The following GABRB1 variants were observed in gnomAD, a reference collection of about 807,000 sequenced individuals.
GABRB1 encodes the protein gamma-aminobutyric acid receptor subunit beta-1.
GABRB1 carries 17 observed loss-of-function variants against 51.6 expected under a neutral mutation model. The observed-to-expected ratio is 0.33, with a 90% CI of 0.23 to 0.49. GABRB1 has a LOEUF of 0.49. GABRB1 is among the 20% of genes least tolerant of loss of function. GABRB1 has a pLI of 0.99. For missense variants in GABRB1, 410 were observed against 600.6 expected, an observed-to-expected ratio of 0.68 and a Z score of 3.32; for synonymous variants, 247 against 218.9, an observed-to-expected ratio of 1.13 and a Z score of -1.14.
At chr4:47,078,280 C>G (rs559956754) in intron 3 of GABRB1, among the ~76,000 whole-genome samples, 1 of 151,800 alleles carries the variant, frequency 6.6e-6, no homozygotes, top group Non-Finnish European at 1.5e-5. Flanking sequence ...CCATCGCGCC[C>G]GGCCTATAAT....
At chr4:47,283,971 G>A (rs550028000) in intron 4 of GABRB1, among the ~76,000 whole-genome samples, 1 of 151,908 alleles carries the variant, frequency 6.6e-6, no homozygotes, top group African/African-American at 2.4e-5. Flanking sequence ...GGTGGCAGGT[G>A]TCTGTAGTCC....
intron 1 of GABRB1, among the ~76,000 whole-genome samples, chr4:47,023,429 G>GT (rs1199698237): frequency 2.0e-5 from 3 of 151,552 alleles, no homozygotes; most frequent in African/African-American, 7.3e-5. Flanking sequence ...TCTATTTTTT[G>GT]TTTTTTGGTT....
upstream of GABRB1, among the ~76,000 whole-genome samples, chr4:47,030,485 C>G (rs1240615141): frequency 6.6e-6 from 1 of 152,192 alleles, no homozygotes; most frequent in African/African-American, 2.4e-5. Flanking sequence ...TTTACTTACA[C>G]TTGTGTGTGT....
chr4:47,164,172 G>T (rs946365116), intron 4 of GABRB1, among the ~76,000 whole-genome samples: 1 of 151,892 alleles, frequency 6.6e-6, no homozygotes, highest in Non-Finnish European at 1.5e-5. Flanking sequence ...TGACACCTGG[G>T]GATTACAATT....
At chr4:47,403,871 A>C (rs1162762411) in intron 7 of GABRB1, among the ~76,000 whole-genome samples, 160 bp downstream of exon 7, 1 of 152,220 alleles carries the variant, frequency 6.6e-6, no homozygotes. Context: ...GAATGTCCAC[A>C]ACGAATATTC....
Position 47,169,554 on chromosome 4 carries a change from T to TGCAATG in GABRB1, c.461+8089_461+8094dup, listed in dbSNP as rs1718351429. ...TTTGCTCTTGTTGCCCAAGCTGGAG[T>TGCAATG]GCAATGGCACAATCTTGGCTCACTG... On this transcript the variant is annotated intron_variant, in intron 4 of 8. Coordinates refer to ENST00000295454, the MANE Select transcript of GABRB1 (RefSeq NM_000812.4). Among the ~76,000 whole-genome samples the TGCAATG allele has an allele frequency of 2.6e-5, 4 of 151,520 alleles. No individual in the cohort carries two copies. The South Asian group carries it at 8.4e-4, about 32-fold the overall frequency.
At chr4:47,303,365 G>A (rs1345088659) in intron 4 of GABRB1, among the ~76,000 whole-genome samples, 1 of 75,446 alleles carries the variant, frequency 1.3e-5, no homozygotes, top group African/African-American at 4.6e-5. Context: ...TGTTGAAGGT[G>A]TGCTCTCTCT....
rs535295630 is a variant in GABRB1, at chr4:47,275,213, C to T, written c.462-44914C>T. On this transcript the variant is annotated intron_variant, in intron 4 of 8. Coordinates refer to ENST00000295454, the MANE Select transcript of GABRB1 (RefSeq NM_000812.4). ...CAAGTTAGCCTTGATAAGAAAATGACAAAGAAGCAAGTCCAGAGTGGCTTA... is the reference window on the plus strand; with the variant it reads ...CAAGTTAGCCTTGATAAGAAAATGATAAAGAAGCAAGTCCAGAGTGGCTTA... Among the ~76,000 whole-genome samples, 81 of 152,260 alleles carry T rather than the reference C, an allele frequency of 5.3e-4. No individual in the cohort carries two copies. In the Middle Eastern group the frequency reaches 0.017, roughly 32 times the overall value.
At chr4:47,208,031 C>A (rs1457279058) in intron 4 of GABRB1, among the ~76,000 whole-genome samples, 1 of 152,004 alleles carries the variant, frequency 6.6e-6, no homozygotes, top group Non-Finnish European at 1.5e-5. Context: ...TCTGACTATA[C>A]ATCAGTGCTC....
chr4:47,039,269 C>T (rs768761768), intron 3 of GABRB1, among the ~76,000 whole-genome samples: 2 of 149,778 alleles, frequency 1.3e-5, no homozygotes, highest in Non-Finnish European at 3.0e-5. Flanking sequence ...CTCACATCCC[C>T]GATAAAATCT....
chr4:47,117,627 A>C (rs1424222372), intron 3 of GABRB1, among the ~76,000 whole-genome samples: 2 of 152,160 alleles, frequency 1.3e-5, no homozygotes, highest in African/African-American at 4.8e-5. Flanking sequence ...CAATAAGACT[A>C]CTTTTTGGTG....
chr4:47,320,342 T>C lies in GABRB1; in HGVS notation c.544+133T>C, dbSNP rs368820126. 96 of 683,348 alleles carry C rather than the reference T, an allele frequency of 1.4e-4. No homozygotes were observed. The African/African-American group carries it at 1.5e-3, about 11-fold the overall frequency. The allele number at this position is 683,348 out of a possible 1,614,324, so 42.3% of individuals were successfully genotyped here. On this transcript the variant is annotated intron_variant, in intron 5 of 8. Transcript: ENST00000295454. ...CTGATAAGTTTTCAAAGGGTTTATA[T>C]TGGTAGCTCAAGGGTCATTTCAATG...
intron 4 of GABRB1, among the ~76,000 whole-genome samples, chr4:47,183,080 G>A (rs1367968697): frequency 1.3e-5 from 2 of 151,634 alleles, no homozygotes; most frequent in Non-Finnish European, 2.9e-5. Flanking sequence ...CAAAGTTCAG[G>A]TTACATTGAT....
intron 4 of GABRB1, among the ~76,000 whole-genome samples, chr4:47,308,158 T>A (rs1256348060): frequency 6.6e-6 from 1 of 152,044 alleles, no homozygotes; most frequent in African/African-American, 2.4e-5. Context: ...CAATTTAAAG[T>A]ATACTGTTTC....
intron 4 of GABRB1, among the ~76,000 whole-genome samples, chr4:47,203,657 A>C (rs1719984892): frequency 6.6e-6 from 1 of 152,088 alleles, no homozygotes; most frequent in Non-Finnish European, 1.5e-5. Flanking sequence ...TGCTGGTGGC[A>C]ACCCTCATTT....
chr4:47,112,968 G>A (rs1715295265), intron 3 of GABRB1, among the ~76,000 whole-genome samples: 1 of 151,720 alleles, frequency 6.6e-6, no homozygotes, highest in African/African-American at 2.4e-5. Context: ...GTTTCCCTTG[G>A]CAATTATGAT....
chr4:47,404,166 C>T (rs1437981851), intron 7 of GABRB1, among the ~76,000 whole-genome samples: 2 of 152,098 alleles, frequency 1.3e-5, no homozygotes, highest in Middle Eastern at 3.2e-3. Flanking sequence ...AAAATTAAAT[C>T]GTATCAAGCC....
At chr4:47,038,794 T>C (rs368132833) in intron 3 of GABRB1, among the ~76,000 whole-genome samples, 5 of 152,308 alleles carry the variant, frequency 3.3e-5, no homozygotes, top group South Asian at 2.1e-4. Context: ...GAGAAATGAA[T>C]GGTTTAAATG....
At chr4:47,143,548 T>C (rs1300873848) in intron 3 of GABRB1, among the ~76,000 whole-genome samples, 3 of 151,804 alleles carry the variant, frequency 2.0e-5, no homozygotes, top group Non-Finnish European at 4.4e-5. Flanking sequence ...GTGGTTTCCC[T>C]AGAATTCTAG....
Sources: gnomAD v4.1 joint callset for allele counts (sites outside exome capture counted in the v4.1 genomes callset) on GRCh38, gnomAD v4.1.1 for gene constraint, MANE v1.5 for transcripts, NCBI Gene and HGNC (gene_info 2026-07-23, HGNC 2026-07-21) for gene names.